The following CACNB4 variants were observed in gnomAD, a reference collection of about 807,000 sequenced individuals.
The protein encoded by CACNB4 is calcium voltage-gated channel auxiliary subunit beta 4, also known as voltage-dependent L-type calcium channel subunit beta-4.
CACNB4 carries 32 observed loss-of-function variants against 71.2 expected under a neutral mutation model. That is an observed-to-expected ratio of 0.45 (90% confidence interval 0.34 to 0.60). The LOEUF is 0.60. Among genes scored for constraint, CACNB4 ranks in the 20% least tolerant of loss-of-function variants. The pLI is 0.01. For missense variants in CACNB4, 464 were observed against 647.9 expected, an observed-to-expected ratio of 0.72 and a Z score of 3.08; for synonymous variants, 231 against 236.9, an observed-to-expected ratio of 0.97 and a Z score of 0.23.
At chr2:151,867,332 C>T (rs2099843426) in intron 9 of CACNB4, 1 of 152,176 alleles carries the variant, frequency 6.6e-6, no homozygotes, top group Admixed American at 6.5e-5. Flanking sequence ...ACAGCAAGAC[C>T]AAGACCAGCC....
intron 2 of CACNB4, among the ~76,000 whole-genome samples, chr2:152,097,681 C>T (rs1688347719): frequency 6.6e-6 from 1 of 152,200 alleles, no homozygotes. Context: ...CAGGAGAAAG[C>T]AAGCACTAAG....
At chr2:151,925,776 G>A (rs2099860088) in intron 2 of CACNB4, among the ~76,000 whole-genome samples, 1 of 152,146 alleles carries the variant, frequency 6.6e-6, no homozygotes, top group South Asian at 2.1e-4. Flanking sequence ...ACAGCAAGGT[G>A]GTGGAGAAGG....
intron 10 of CACNB4, chr2:151,857,466 T>C (rs1306956147): frequency 6.6e-6 from 1 of 152,234 alleles, no homozygotes; most frequent in Non-Finnish European, 1.5e-5. Flanking sequence ...TAATGTAGCA[T>C]ATTTGTCCCC....
At chr2:151,921,789 G>A (rs1341338468) in intron 2 of CACNB4, among the ~76,000 whole-genome samples, 13 of 152,098 alleles carry the variant, frequency 8.5e-5, no homozygotes, top group East Asian at 1.9e-4. Context: ...GAGTTCTCAC[G>A]AGATCTGGTT....
At chr2:152,058,562 T>C (rs902304698) in intron 2 of CACNB4, among the ~76,000 whole-genome samples, 4 of 152,232 alleles carry the variant, frequency 2.6e-5, no homozygotes, top group African/African-American at 7.2e-5. Context: ...ATTTTGCCCC[T>C]GTCCTAGAGA....
At chr2:151,864,918 T>C (rs757442299) in intron 9 of CACNB4, among the ~76,000 whole-genome samples, 62 of 152,218 alleles carry the variant, frequency 4.1e-4, no homozygotes, top group Non-Finnish European at 8.1e-4. Flanking sequence ...AAGTGGGCAG[T>C]CTACCATGAC....
chr2:151,957,406 T>C (rs940646160), intron 2 of CACNB4, among the ~76,000 whole-genome samples: 5 of 151,946 alleles, frequency 3.3e-5, no homozygotes, highest in African/African-American at 1.2e-4. Context: ...TTTCAATTCA[T>C]TCCAACAACC....
intron 2 of CACNB4, among the ~76,000 whole-genome samples, chr2:152,051,332 T>C (rs1389856554): frequency 6.6e-6 from 1 of 152,210 alleles, no homozygotes; most frequent in East Asian, 1.9e-4. Context: ...AACAGTTTAG[T>C]ATATTCAGAG....
intron 2 of CACNB4, among the ~76,000 whole-genome samples, chr2:151,919,662 A>G (rs1457717944): frequency 6.6e-6 from 1 of 152,238 alleles, no homozygotes; most frequent in South Asian, 2.1e-4. Context: ...CTGCCTCGCC[A>G]TACTCCCAGC....
intron 2 of CACNB4, among the ~76,000 whole-genome samples, chr2:151,888,518 A>G (rs531489652): frequency 3.9e-5 from 6 of 152,156 alleles, no homozygotes; most frequent in Non-Finnish European, 8.8e-5. Context: ...GTGAGCCATG[A>G]TGATGCCACA....
At chr2:151,910,350 T>C (rs2099855885) in intron 2 of CACNB4, among the ~76,000 whole-genome samples, 1 of 152,222 alleles carries the variant, frequency 6.6e-6, no homozygotes, top group Non-Finnish European at 1.5e-5. Context: ...ATAGTTTCTT[T>C]TGTTGTGCAG....
intron 9 of CACNB4, 107 bp downstream of exon 9, chr2:151,869,070 T>C (rs1027450673): frequency 1.4e-6 from 1 of 701,998 alleles, no homozygotes; most frequent in Non-Finnish European, 2.5e-6. Context: ...AGTTAACTTT[T>C]AACTAGAGAA....
intron 2 of CACNB4, among the ~76,000 whole-genome samples, chr2:151,938,514 G>A (rs543976202): frequency 1.3e-5 from 2 of 152,306 alleles, no homozygotes; most frequent in African/African-American, 4.8e-5. Context: ...CTTGCACACA[G>A]ATGAGCACAG....
chr2:151,962,563 A>C (rs2099869930), intron 2 of CACNB4, among the ~76,000 whole-genome samples: 1 of 152,248 alleles, frequency 6.6e-6, no homozygotes, highest in Admixed American at 6.5e-5. Flanking sequence ...ATAAAAATGA[A>C]ATTCGGATGC....
At chr2:151,883,575 A>G (rs2099848532) in intron 2 of CACNB4, 1 of 576,512 alleles carries the variant, frequency 1.7e-6, no homozygotes, top group Non-Finnish European at 3.1e-6. Context: ...GAAGAAAAAT[A>G]TTTTGACTAG....
intron 12 of CACNB4, among the ~76,000 whole-genome samples, chr2:151,849,457 T>A (rs564100854): frequency 6.6e-6 from 1 of 152,172 alleles, no homozygotes; most frequent in Admixed American, 6.5e-5. Context: ...GTCTCCCAGG[T>A]TAAAGGGCAG....
intron 12 of CACNB4, among the ~76,000 whole-genome samples, chr2:151,842,814 T>C (rs938539935): frequency 8.5e-5 from 13 of 152,180 alleles, no homozygotes; most frequent in African/African-American, 3.1e-4. Context: ...TCTAGACATG[T>C]TTTGGGCAAT....
chr2:151,911,196 T>C (rs1306165665), intron 2 of CACNB4, among the ~76,000 whole-genome samples: 2 of 152,198 alleles, frequency 1.3e-5, no homozygotes, highest in African/African-American at 4.8e-5. Flanking sequence ...TTAAGGAGTT[T>C]TGGGACTGAG....
At chr2:151,957,222 A>AT (rs1221743549) in intron 2 of CACNB4, among the ~76,000 whole-genome samples, 3 of 141,352 alleles carry the variant, frequency 2.1e-5, no homozygotes, top group Non-Finnish European at 3.1e-5. Context: ...ATTCACTTTG[A>AT]TTTTTTCAAA....
Sources: gnomAD v4.1 joint callset for allele counts (sites outside exome capture counted in the v4.1 genomes callset) on GRCh38, gnomAD v4.1.1 for gene constraint, MANE v1.5 for transcripts, NCBI Gene and HGNC (gene_info 2026-07-23, HGNC 2026-07-21) for gene names.